METTL15: variants seen among roughly 807,000 people sequenced by gnomAD.
METTL15 encodes methyltransferase 15, mitochondrial 12S rRNA N4-cytidine, also known as 12S rRNA N(4)-cytidine methyltransferase METTL15.
METTL15 carries 34 observed loss-of-function variants against 38.3 expected under a neutral mutation model. The observed-to-expected ratio is 0.89, with a 90% CI of 0.68 to 1.18. METTL15 has a LOEUF of 1.18. METTL15 is among the 50% of genes most tolerant of loss of function. The probability of loss-of-function intolerance (pLI) is 0.00; values close to 1 mark genes in which losing one functional copy is unlikely to be tolerated. For missense variants in METTL15, 438 were observed against 498.4 expected (o/e 0.88, Z 1.15); for synonymous variants, 162 against 170.9 (o/e 0.95, Z 0.41).
intron 6 of METTL15, among the ~76,000 whole-genome samples, chr11:28,308,760 G>A (rs187060343): frequency 2.2e-4 from 34 of 152,076 alleles, no homozygotes; most frequent in African/African-American, 8.2e-4. Flanking sequence ...CAAATCTCCA[G>A]GGGCAAGAAA....
chr11:28,295,212 C>T (rs1406145622), intron 5 of METTL15, among the ~76,000 whole-genome samples: 1 of 152,064 alleles, frequency 6.6e-6, no homozygotes, highest in Non-Finnish European at 1.5e-5. Flanking sequence ...CAATTGTGTG[C>T]ACCAATAATT....
At chr11:28,182,762 G>A (rs1000176082) in intron 3 of METTL15, among the ~76,000 whole-genome samples, 5 of 151,528 alleles carry the variant, frequency 3.3e-5, no homozygotes, top group African/African-American at 4.8e-5. Flanking sequence ...TCCATATGAC[G>A]TTTAAACTAG....
intron 5 of METTL15, among the ~76,000 whole-genome samples, chr11:28,396,490 A>G (rs1385556147): frequency 6.6e-6 from 1 of 152,184 alleles, no homozygotes; most frequent in Non-Finnish European, 1.5e-5. Flanking sequence ...CCCATTCACA[A>G]TTGCTTCAAA....
intron 3 of METTL15, among the ~76,000 whole-genome samples, chr11:28,138,820 T>C (rs546386032): frequency 6.6e-6 from 1 of 152,182 alleles, no homozygotes; most frequent in Non-Finnish European, 1.5e-5. Context: ...TACTGCCCAG[T>C]TTGCTGGTTG....
chr11:28,266,808 G>A (rs570393160), intron 4 of METTL15, among the ~76,000 whole-genome samples: 4 of 152,160 alleles, frequency 2.6e-5, no homozygotes, highest in African/African-American at 4.8e-5. Context: ...CTTTCAAAAC[G>A]TGTCAGATTT....
intron 4 of METTL15, among the ~76,000 whole-genome samples, chr11:28,224,745 A>C (rs1323765015): frequency 2.6e-5 from 4 of 151,816 alleles, no homozygotes; most frequent in African/African-American, 4.8e-5. Context: ...TGATTTAATA[A>C]ATAGCGAATA....
intron 5 of METTL15, among the ~76,000 whole-genome samples, chr11:28,369,758 A>C (rs1054943439): frequency 5.9e-5 from 9 of 152,160 alleles, no homozygotes; most frequent in Admixed American, 2.6e-4. Context: ...GTTCATCAAA[A>C]CTAGACCTGC....
intron 3 of METTL15, among the ~76,000 whole-genome samples, chr11:28,118,629 T>C (rs946554677): frequency 5.9e-5 from 9 of 152,166 alleles, no homozygotes; most frequent in Non-Finnish European, 1.2e-4. Context: ...TGGTAGCAGT[T>C]TGGAGAGTAT....
At chr11:28,134,791 T>A (rs1032819138) in intron 3 of METTL15, 2 of 389,488 alleles carry the variant, frequency 5.1e-6, no homozygotes, top group African/African-American at 4.1e-5. Flanking sequence ...GGTTAAGGAC[T>A]GCTCAAAAAT....
chr11:28,477,115 G>T (rs1318965541), intron 6 of METTL15, among the ~76,000 whole-genome samples: 1 of 152,146 alleles, frequency 6.6e-6, no homozygotes, highest in African/African-American at 2.4e-5. Context: ...TGCTGTTGAG[G>T]TCTAGAGCTT....
At chr11:28,215,482 G>A (rs1378518417) in intron 4 of METTL15, among the ~76,000 whole-genome samples, 1 of 151,978 alleles carries the variant, frequency 6.6e-6, no homozygotes, top group Non-Finnish European at 1.5e-5. Context: ...TGGTCAGAAG[G>A]TAACTTTGCT....
At chr11:28,241,339 C>T (rs1854283995) in intron 4 of METTL15, among the ~76,000 whole-genome samples, 1 of 152,026 alleles carries the variant, frequency 6.6e-6, no homozygotes, top group Non-Finnish European at 1.5e-5. Context: ...CAAGACCATC[C>T]TGGCTAATAA....
chr11:28,149,310 TATA>T (rs1407411160), intron 3 of METTL15, among the ~76,000 whole-genome samples: 4 of 151,656 alleles, frequency 2.6e-5, no homozygotes, highest in Admixed American at 6.6e-5. Flanking sequence ...GAGATGATAA[TATA>T]ATGACAAAAA....
chr11:28,414,596 A>G (rs994911884), intron 5 of METTL15, among the ~76,000 whole-genome samples: 1 of 152,178 alleles, frequency 6.6e-6, no homozygotes, highest in Non-Finnish European at 1.5e-5. Context: ...AGTTTCAACT[A>G]TTTGATGCCA....
chr11:28,310,967 T>TGTGTGTGG (rs1857276583), intron 6 of METTL15, among the ~76,000 whole-genome samples: 1 of 102,326 alleles, frequency 9.8e-6, no homozygotes, highest in African/African-American at 4.8e-5. Context: ...TGGTGGTGGG[T>TGTGTGTGG]GTGTGTGTGT....
intron 3 of METTL15, among the ~76,000 whole-genome samples, chr11:28,207,706 C>T (rs563341464): frequency 6.6e-6 from 1 of 152,276 alleles, no homozygotes; most frequent in African/African-American, 2.4e-5. Context: ...CCTTGTGCCT[C>T]TGGTAGAATT....
At chr11:28,110,598 G>A (rs893518624) in intron 2 of METTL15, among the ~76,000 whole-genome samples, 197 bp downstream of exon 2, 3 of 152,112 alleles carry the variant, frequency 2.0e-5, no homozygotes, top group Non-Finnish European at 4.4e-5. Flanking sequence ...TAATTCTTAG[G>A]CAAAAGGGTG....
At chr11:28,271,651 C>T (rs1855644049) in intron 4 of METTL15, among the ~76,000 whole-genome samples, 1 of 152,094 alleles carries the variant, frequency 6.6e-6, no homozygotes, top group Non-Finnish European at 1.5e-5. Flanking sequence ...CCTGGCATGC[C>T]ATTCTATCCT....
At position 28,305,477 on chromosome 11, in the gene METTL15, T is replaced by C. The variant is rs145557437; in HGVS notation, c.778+8546T>C. ...GCTGGTACTGGTTTTATCCCCATGT[T>C]ATGGATGAGGTAACTGAAGTATAAA... On this transcript the variant is annotated intron_variant, in intron 6 of 6. Coordinates refer to ENST00000407364, the MANE Select transcript of METTL15 (RefSeq NM_001113528.2). Among the ~76,000 whole-genome samples the C allele has an allele frequency of 3.3e-3, 510 of 152,274 alleles. 6 individuals are homozygous for C. The highest frequency in any genetic ancestry group is 0.012 in the African/African-American group (492 of 41,572).
Sources: gnomAD v4.1 joint callset for allele counts (sites outside exome capture counted in the v4.1 genomes callset) on GRCh38, gnomAD v4.1.1 for gene constraint, MANE v1.5 for transcripts, NCBI Gene and HGNC (gene_info 2026-07-23, HGNC 2026-07-21) for gene names.